GPR107: variants seen among roughly 807,000 people sequenced by gnomAD.
GPR107 encodes protein GPR107.
A neutral mutation model predicts 75.5 loss-of-function variants in GPR107; 31 were observed. That is an observed-to-expected ratio of 0.41 (90% CI 0.31 to 0.55). The LOEUF (loss-of-function observed/expected upper bound fraction) is 0.55. Ranked by LOEUF, GPR107 falls within the 20% of genes least tolerant of loss-of-function variation. GPR107 has a pLI of 0.26. For synonymous variants in GPR107, 267 were observed against 251.3 expected (o/e 1.06, Z -0.59); for missense variants, 572 against 665.7 (o/e 0.86, Z 1.55).
chr9:130,077,214 A>G, intron 3 of GPR107, 85 bp from the exon 4 acceptor site: 1 of 792,148 alleles, frequency 1.3e-6, no homozygotes, highest in Admixed American at 1.8e-5. Context: ...AGTTTGAGCC[A>G]CGTATTTGCT....
Position 130,079,679 on chromosome 9 carries a change from A to T in GPR107, c.436A>T (p.Ile146Phe). Residue 146 changes from isoleucine to phenylalanine, a missense_variant, in exon 5 of 18, where the codon ATC becomes TTC. Ile to Phe is a conservative substitution (Grantham distance 21, BLOSUM62 0). Coordinates refer to ENST00000347136, the MANE Select transcript of GPR107 (RefSeq NM_020960.5). Reference protein sequence around the residue: ...PEAGTQLPKIIFSRDEKVLGQ... With the variant: ...PEAGTQLPKIFFSRDEKVLGQ... ...AGCTGGTACCCAGTTACCAAAGATC[A>T]TCTTCAGCAGGGATGAGAAAGTCCT... The T allele has an allele frequency of 6.2e-7, 1 of 1,612,722 alleles. No homozygotes were observed. The highest frequency in any genetic ancestry group is 8.5e-7 in the Non-Finnish European group (1 of 1,178,732).
At position 130,100,746 on chromosome 9, in the gene GPR107, C is replaced by A. The variant is rs749451909; in HGVS notation, c.1013+44C>A. On this transcript the variant is annotated intron_variant, in intron 11 of 17. Coordinates refer to ENST00000347136, the MANE Select transcript of GPR107 (RefSeq NM_020960.5). ...GTGAAATACACCATGAAATGACATA[C>A]AAGACAAGGGGGGTGGGCAACAACC... The A allele has an allele frequency of 1.1e-5, 16 of 1,427,260 alleles. No individual in the cohort carries two copies. The South Asian group carries it at 1.7e-4, about 15-fold the overall frequency. 88.4% of individuals were successfully genotyped at this position (1,427,260 alleles called of 1,614,324 possible).
chr9:130,080,507 T>TTTATTTA (rs1319123355), intron 5 of GPR107, among the ~76,000 whole-genome samples: 3 of 21,662 alleles, frequency 1.4e-4, no homozygotes, highest in East Asian at 3.3e-3. Context: ...TTATTTATTT[T>TTTATTTA]TTGAGACGGA....
intron 5 of GPR107, among the ~76,000 whole-genome samples, chr9:130,080,631 A>G (rs1196076074): frequency 1.3e-5 from 2 of 151,712 alleles, no homozygotes; most frequent in South Asian, 2.1e-4. Flanking sequence ...AGCTGGGACT[A>G]CAGGCGCCCG....
At chr9:130,080,409 A>G (rs371897958) in intron 5 of GPR107, among the ~76,000 whole-genome samples, 2 of 152,198 alleles carry the variant, frequency 1.3e-5, no homozygotes, top group Admixed American at 6.5e-5. Flanking sequence ...GTCCTAGCCA[A>G]TATGGGGTAT....
intron 9 of GPR107, among the ~76,000 whole-genome samples, chr9:130,096,856 A>T (rs1830885803): frequency 1.3e-5 from 2 of 152,268 alleles, no homozygotes; most frequent in South Asian, 4.1e-4. Context: ...GTTGTTGTAC[A>T]TTTTTTACTC....
At position 130,105,271 on chromosome 9, in the gene GPR107, G is replaced by A. The variant is rs1181219376; in HGVS notation, c.1262+721G>A. Among the ~76,000 whole-genome samples, 5 of 149,090 alleles carry A rather than the reference G, an allele frequency of 3.4e-5. No individual in the cohort carries two copies. In the South Asian group the frequency reaches 1.1e-3, roughly 32 times the overall value. ...TGCTTCTTTTTTTTTTTTTTAACCC[G>A]AGATGGAGTTTCGCTCTTGTTGCCC... On this transcript the variant is annotated intron_variant, in intron 13 of 17. Transcript: ENST00000347136.
intron 1 of GPR107, among the ~76,000 whole-genome samples, chr9:130,074,964 GGATGACGATAACAT>G (rs1014530555): frequency 5.3e-5 from 8 of 150,736 alleles, no homozygotes; most frequent in Non-Finnish European, 1.0e-4. Flanking sequence ...AAGGATGTGG[GGATGACGATAACAT>G]GGTTCCTCCT....
intron 14 of GPR107, among the ~76,000 whole-genome samples, chr9:130,120,373 G>A (rs1831520128): frequency 6.6e-6 from 1 of 152,160 alleles, no homozygotes; most frequent in Non-Finnish European, 1.5e-5. Context: ...TGCCAGGGAG[G>A]TGCCAGGCAG....
At chr9:130,069,597 T>G (rs983820999) in intron 1 of GPR107, among the ~76,000 whole-genome samples, 4 of 152,236 alleles carry the variant, frequency 2.6e-5, no homozygotes, top group Admixed American at 2.6e-4. Flanking sequence ...ATATCTTATT[T>G]GACATGACAC....
rs116620542 is a variant in GPR107 at position 130,107,254 on chromosome 9, C to T, written c.1263-242C>T. 3.3e-3 allele frequency among the ~76,000 whole-genome samples: 504 copies of T among 152,246 alleles called. 3 individuals carry two copies. Among genetic ancestry groups the T allele is most frequent in the African/African-American group, 0.012 (489 of 41,532 alleles). ...ATGATGGAGTTTTGTTTTCTCCTCA[C>T]GCTCTGGTCCCTGCTAGACTTATTG... is the stretch of plus-strand genomic sequence containing the variant. On this transcript the variant is annotated intron_variant, in intron 13 of 17. Coordinates refer to ENST00000347136, the MANE Select transcript of GPR107 (RefSeq NM_020960.5).
rs1313957772 is a variant in GPR107 at position 130,139,418 on chromosome 9, TC to T, written c.*4301del. ...TCGGCAGGCTGAACATACTCCAGAT[TC>T]CCCAGAGGCCACTTCTGTAGCCCAG... is the stretch of plus-strand genomic sequence containing the variant. On this transcript the variant is annotated 3_prime_UTR_variant, in exon 18 of 18. Transcript: ENST00000347136. 2.0e-5 allele frequency: 3 copies of T among 152,146 alleles called. No individual in the cohort carries two copies. Among genetic ancestry groups the T allele is most frequent in the Non-Finnish European group, 4.4e-5 (3 of 68,022 alleles). 9.4% of individuals were successfully genotyped at this position (152,146 alleles called of 1,614,324 possible). A position where few individuals can be genotyped will look rare whatever the true frequency, so the allele number is the denominator to read the frequency against.
intron 9 of GPR107, among the ~76,000 whole-genome samples, chr9:130,098,637 A>C (rs2132604967): frequency 1.3e-5 from 2 of 152,288 alleles, no homozygotes; most frequent in East Asian, 3.9e-4. Flanking sequence ...TCTCAGGTTC[A>C]TTCACAACAT....
chr9:130,076,499 C>A (rs374857228), intron 3 of GPR107, 37 bp downstream of exon 3: 249 of 1,307,264 alleles, frequency 1.9e-4, no homozygotes, highest in Non-Finnish European at 2.5e-4. Context: ...CATCTCTTCA[C>A]CTGAGCCCAG....
intron 12 of GPR107, 67 bp from the exon 13 acceptor site, chr9:130,104,353 T>C (rs532979149): frequency 2.6e-5 from 39 of 1,485,170 alleles, no homozygotes; most frequent in African/African-American, 2.3e-4. Flanking sequence ...ACACCCCACA[T>C]TGGGGCTGCT....
chr9:130,110,328 T>C lies in GPR107; in HGVS notation c.1306+2789T>C, dbSNP rs757014683. ...TCCTTTAACAGGAACGCTTTTGTCA[T>C]GGCCTGGGCACACAAGGCAGTTTCT... On this transcript the variant is annotated intron_variant, in intron 14 of 17. Coordinates refer to ENST00000347136, the MANE Select transcript of GPR107 (RefSeq NM_020960.5). The C allele has an allele frequency of 1.2e-5, 15 of 1,249,532 alleles. No homozygotes were observed. In the East Asian group the frequency reaches 1.8e-4, roughly 15 times the overall value. The allele number at this position is 1,249,532 out of a possible 1,614,324, so 77.4% of individuals were successfully genotyped here. A position where few individuals can be genotyped will look rare whatever the true frequency, so the allele number is the denominator to read the frequency against.
At chr9:130,079,502 G>C in intron 4 of GPR107, 128 bp from the exon 5 acceptor site, 1 of 674,818 alleles carries the variant, frequency 1.5e-6, no homozygotes, top group East Asian at 2.8e-5. Context: ...GTAGAATGTG[G>C]ATAATAGAAT....
intron 4 of GPR107, among the ~76,000 whole-genome samples, chr9:130,078,217 C>T (rs1830407105): frequency 6.6e-6 from 1 of 151,666 alleles, no homozygotes; most frequent in Non-Finnish European, 1.5e-5. Flanking sequence ...TTTGTGTTTT[C>T]AAGTTCAGCA....
At chr9:130,056,924 C>CAAAAAAAAAAAAAAAAAAAAAAAAAAA (rs11442007) in intron 1 of GPR107, among the ~76,000 whole-genome samples, 1 of 42,896 alleles carries the variant, frequency 2.3e-5, no homozygotes, top group African/African-American at 1.2e-4. Context: ...GACTCCTTCT[C>CAAAAAAAAAAAAAAAAAAAAAAAAAAA]AAAAAAAAAA....
Sources: allele counts gnomAD v4.1 joint callset (sites outside exome capture counted in the v4.1 genomes callset), GRCh38; gene constraint gnomAD v4.1.1; transcripts MANE v1.5; gene names NCBI Gene and HGNC (gene_info 2026-07-23, HGNC 2026-07-21).